The following CFAP74 variants were observed in gnomAD, a reference collection of about 807,000 sequenced individuals.
CFAP74 encodes cilia- and flagella-associated protein 74.
CFAP74 carries 124 observed loss-of-function variants against 188.9 expected under a neutral mutation model. The ratio of observed to expected loss-of-function variants is 0.66; its 90% CI spans 0.57 to 0.76. CFAP74 has a LOEUF of 0.76. Ranked by LOEUF, CFAP74 falls within the 30% of genes least tolerant of loss-of-function variation. The pLI, the probability that CFAP74 is intolerant of heterozygous loss-of-function variation, is 0.00. For missense variants in CFAP74, 2,198 were observed against 2,165.2 expected (o/e 1.02, Z -0.30); for synonymous variants, 956 against 916.7 (o/e 1.04, Z -0.77).
At position 1,927,628 on chromosome 1, in the gene CFAP74, C is replaced by T. The variant is rs1001333144; in HGVS notation, c.3506G>A (p.Arg1169Gln). ...KVSVPHVLEMRKRELRPSSDE... is the reference protein window; with the variant it reads ...KVSVPHVLEMQKRELRPSSDE... ...CCACCTGGGCCTCAGCTCCCGCTTC[C>T]GCATCTCCAGGACGTGGGGGACAGA... Residue 1169 changes from arginine (R) to glutamine (Q), a missense_variant, in exon 28 of 39, where the codon CGG (arginine) becomes CAG (glutamine). Coordinates refer to ENST00000682832, the MANE Select transcript of CFAP74 (RefSeq NM_001304360.2). The T allele has an allele frequency of 1.0e-5, 16 of 1,549,880 alleles. No individual in the cohort carries two copies. Among genetic ancestry groups the T allele is most frequent in the Admixed American group, 5.9e-5 (3 of 50,974 alleles).
chr1:2,002,008 T>C (rs1045135133), intron 1 of CFAP74, among the ~76,000 whole-genome samples: 1 of 152,184 alleles, frequency 6.6e-6, no homozygotes, highest in Non-Finnish European at 1.5e-5. Flanking sequence ...CCTTCCACGC[T>C]GGGGCCCTGA....
At position 1,930,165 on chromosome 1, in the gene CFAP74, G is replaced by A. The variant is rs939369401; in HGVS notation, c.3183C>T (p.Gly1061=). The change falls in exon 26 of 39, where the codon GGC becomes GGT. Residue 1061 remains glycine, a synonymous_variant. Transcript: ENST00000682832. The part of the protein sequence containing the change: ...SSPTHSKPRI[G]SEDASPMGPT... ...GCCCCATGGGAGAGGCGTCCTCTGA[G>A]CCAATGCGGGGCTTGGAGTGGGTCG... 2.6e-6 allele frequency: 4 copies of A among 1,535,694 alleles called. No homozygotes were observed. Among genetic ancestry groups the A allele is most frequent in the Non-Finnish European group, 3.5e-6 (4 of 1,146,740 alleles).
At chr1:1,948,591 C>CTT (rs1374630448) in intron 18 of CFAP74, among the ~76,000 whole-genome samples, 35 of 53,850 alleles carry the variant, frequency 6.5e-4, no homozygotes, top group Admixed American at 1.2e-3. Flanking sequence ...TTCCTTTCTT[C>CTT]TTGTTTTTTT....
At chr1:1,967,787 C>T (rs1291967364) in intron 11 of CFAP74, among the ~76,000 whole-genome samples, 1 of 152,214 alleles carries the variant, frequency 6.6e-6, no homozygotes, top group Non-Finnish European at 1.5e-5. Context: ...ATCGTCCCTA[C>T]CCCACACCTT....
In CFAP74 at chr1:1,974,132, C is replaced by T. The variant is rs1165100755; in HGVS notation, c.567G>A (p.Glu189=). The change falls in exon 7 of 39, where the codon GAG becomes GAA. Residue 189 remains glutamate (E), a synonymous_variant. Coordinates refer to ENST00000682832, the MANE Select transcript of CFAP74 (RefSeq NM_001304360.2). ...RLEAFRTADR[E]EVEATGRRLQ... ...GCCGCCGCCCCGTGGCCTCCACCTC[C>T]TCACGGTCAGCTGTCCGGAAGGCCT... is the stretch of plus-strand genomic sequence containing the variant. 1.2e-6 allele frequency: 2 copies of T among 1,612,828 alleles called. No homozygotes were observed. The highest frequency in any genetic ancestry group is 1.1e-5 in the South Asian group (1 of 90,950).
intron 11 of CFAP74, 103 bp from the exon 12 acceptor site, chr1:1,966,629 GTTC>G: frequency 8.9e-7 from 1 of 1,122,578 alleles, no homozygotes; most frequent in Non-Finnish European, 1.2e-6. Context: ...GCCTGCCCCC[GTTC>G]TTCTGCCTCA....
chr1:1,972,586 C>G (rs2102082131), intron 8 of CFAP74, among the ~76,000 whole-genome samples: 1 of 152,390 alleles, frequency 6.6e-6, no homozygotes, highest in South Asian at 2.1e-4. Flanking sequence ...TGGCTCACGC[C>G]TGTAATCCCG....
Position 1,985,745 on chromosome 1 carries a change from T to C in CFAP74, c.396-255A>G, listed in dbSNP as rs1388875237. 2.6e-5 allele frequency among the ~76,000 whole-genome samples: 4 copies of C among 152,284 alleles called. No individual in the cohort carries two copies. In the East Asian group the frequency reaches 7.7e-4, roughly 29 times the overall value. ...CCTGCCCTGGACCCTCAGTGGCCCC[T>C]GCATGAAGCCCCTGGGGGCAGCAGC... On this transcript the variant is annotated intron_variant, in intron 5 of 38. Coordinates refer to ENST00000682832, the MANE Select transcript of CFAP74 (RefSeq NM_001304360.2).
chr1:1,972,940 C>T lies in CFAP74; in HGVS notation c.782G>A (p.Gly261Glu). The change falls in exon 8 of 39, where the codon GGA (glycine) becomes GAA (glutamate). Residue 261 changes from glycine to glutamate, a missense_variant. Physicochemically the swap from Gly to Glu is moderately conservative, Grantham distance 98. Coordinates refer to ENST00000682832, the MANE Select transcript of CFAP74 (RefSeq NM_001304360.2). ...VAVRFLKASL[G>E]RIREQEKKEE... Reference sequence around the variant, plus strand: ...GGACGTCGAAGGGAGGCCCTACCTTCCCAGGGAGGCCTTCAGGAACCGCAC... The same window carrying T: ...GGACGTCGAAGGGAGGCCCTACCTTTCCAGGGAGGCCTTCAGGAACCGCAC... 6.2e-7 allele frequency: 1 copy of T among 1,609,894 alleles called. No individual in the cohort carries two copies. The highest frequency in any genetic ancestry group is 1.1e-5 in the South Asian group (1 of 90,970).
chr1:1,948,325 T>A (rs185929812), intron 18 of CFAP74, among the ~76,000 whole-genome samples: 3 of 151,976 alleles, frequency 2.0e-5, no homozygotes, highest in Admixed American at 1.3e-4. Flanking sequence ...CAGGCTGGAG[T>A]GCAGTGGTGC....
At chr1:1,994,174 T>TTA (rs1657791153) in intron 1 of CFAP74, among the ~76,000 whole-genome samples, 2 of 114,752 alleles carry the variant, frequency 1.7e-5, no homozygotes, top group African/African-American at 6.1e-5. Context: ...CTAAAAGGGT[T>TTA]AAAAAAAAAA....
In CFAP74 at chr1:1,968,710, G is replaced by C; in HGVS notation, c.1170C>G (p.Thr390=). Reference sequence around the variant, plus strand: ...TGTAGTTCCAGGTCTTGTCCCTCAGGGTCAGCCGGTGCCTGGCACTGGTGG... The same window carrying C: ...TGTAGTTCCAGGTCTTGTCCCTCAGCGTCAGCCGGTGCCTGGCACTGGTGG... ...HPPTSARHRL[T]LRDKTWNYIS... Residue 390 remains threonine (T), a synonymous_variant, in exon 11 of 39, where the codon ACC becomes ACG. Coordinates refer to ENST00000682832, the MANE Select transcript of CFAP74 (RefSeq NM_001304360.2). The surrounding 1 kb of genome is among the most constrained non-coding windows in gnomAD (Gnocchi z 4.3). 2 of 1,614,062 alleles carry C rather than the reference G, an allele frequency of 1.2e-6. No homozygotes were observed. Among genetic ancestry groups the C allele is most frequent in the Admixed American group, 1.7e-5 (1 of 60,012 alleles).
At chr1:1,947,878 T>C (rs1653879214) in intron 18 of CFAP74, among the ~76,000 whole-genome samples, 1 of 151,152 alleles carries the variant, frequency 6.6e-6, no homozygotes, top group South Asian at 2.1e-4. Flanking sequence ...CCCCTGTTCT[T>C]TTTTTTTTCT....
At chr1:1,977,603 G>A (rs1656532812) in intron 6 of CFAP74, among the ~76,000 whole-genome samples, 1 of 152,216 alleles carries the variant, frequency 6.6e-6, no homozygotes, top group Non-Finnish European at 1.5e-5. Context: ...GGGGGAAGGT[G>A]TGTGGGAATG....
chr1:1,994,663 G>A (rs6675751), intron 1 of CFAP74, among the ~76,000 whole-genome samples: 5 of 152,048 alleles, frequency 3.3e-5, no homozygotes, highest in East Asian at 1.9e-4. Context: ...CCTCCGCGAC[G>A]TCATTTTGCT....
chr1:1,987,628 GC>G (rs565082762), intron 4 of CFAP74, among the ~76,000 whole-genome samples: 1 of 151,124 alleles, frequency 6.6e-6, no homozygotes, highest in Admixed American at 6.6e-5. Context: ...TGCAACCTCC[GC>G]CCCCCAGGTT....
At position 1,989,188 on chromosome 1, in the gene CFAP74, C is replaced by T. The variant is rs191815447; in HGVS notation, c.68-215G>A. Reference sequence around the variant, plus strand: ...AGAGAGAGAGAGAGTCAGGGACATCCGTCTTTGCAGACGGACAGCGGGGAG... The same window carrying T: ...AGAGAGAGAGAGAGTCAGGGACATCTGTCTTTGCAGACGGACAGCGGGGAG... On this transcript the variant is annotated intron_variant, in intron 2 of 38. Transcript: ENST00000682832. Among the ~76,000 whole-genome samples, 62 of 152,226 alleles carry T rather than the reference C, an allele frequency of 4.1e-4. 1 individual carries two copies. The highest frequency in any genetic ancestry group is 1.3e-3 in the African/African-American group (56 of 41,544).
chr1:1,961,109 G>A (rs909690282), intron 14 of CFAP74, among the ~76,000 whole-genome samples: 1 of 152,128 alleles, frequency 6.6e-6, no homozygotes, highest in Admixed American at 6.5e-5. Flanking sequence ...GACAAGTGGT[G>A]AACCGAGCAG....
chr1:1,933,777 T>A (rs984525554), intron 25 of CFAP74, among the ~76,000 whole-genome samples: 2 of 152,266 alleles, frequency 1.3e-5, no homozygotes, highest in Non-Finnish European at 2.9e-5. Flanking sequence ...TTCTATTTCG[T>A]TGACTTCCAC....
Sources: allele counts gnomAD v4.1 joint callset (sites outside exome capture counted in the v4.1 genomes callset), GRCh38; gene constraint gnomAD v4.1.1; non-coding constraint Gnocchi (gnomAD v3.1); transcripts MANE v1.5; gene names NCBI Gene and HGNC (gene_info 2026-07-23, HGNC 2026-07-21).